Variants in ADGRB3 observed in about 807,000 individuals in gnomAD.
ADGRB3 encodes brain-specific angiogenesis inhibitor 3.
ADGRB3 carries 37 observed loss-of-function variants against 193.4 expected under a neutral mutation model. The ratio of observed to expected loss-of-function variants is 0.19; its 90% CI spans 0.15 to 0.25. The LOEUF (loss-of-function observed/expected upper bound fraction) is 0.25, where lower values mean the gene tolerates loss of function less well. Ranked by LOEUF, ADGRB3 falls within the 10% of genes least tolerant of loss-of-function variation. The pLI, the probability that ADGRB3 is intolerant of heterozygous loss-of-function variation, is 1.00. For synonymous variants in ADGRB3, 690 were observed against 644.2 expected (o/e 1.07, Z -1.08); for missense variants, 1,637 against 1,852.9 (o/e 0.88, Z 2.14).
chr6:68,783,834 T>C (rs1025978116), intron 3 of ADGRB3, among the ~76,000 whole-genome samples: 5 of 152,058 alleles, frequency 3.3e-5, no homozygotes, highest in Non-Finnish European at 7.4e-5. Flanking sequence ...TGCATGATCA[T>C]TGTTTAGGAA....
At chr6:68,712,506 A>T (rs183216391) in intron 3 of ADGRB3, among the ~76,000 whole-genome samples, 3 of 152,150 alleles carry the variant, frequency 2.0e-5, no homozygotes, top group Admixed American at 2.0e-4. Flanking sequence ...ATTTTTCAGA[A>T]ATCAGAAGGA....
chr6:69,378,613 C>T (rs1769879841), intron 30 of ADGRB3, among the ~76,000 whole-genome samples: 1 of 151,952 alleles, frequency 6.6e-6, no homozygotes, highest in Non-Finnish European at 1.5e-5. Flanking sequence ...TTTTTTAAAT[C>T]TTCAAAATTA....
At chr6:68,868,772 A>G (rs750249222) in intron 3 of ADGRB3, among the ~76,000 whole-genome samples, 2 of 152,266 alleles carry the variant, frequency 1.3e-5, no homozygotes, top group East Asian at 1.9e-4. Context: ...CATTTGTGCA[A>G]TATTTCTGTG....
chr6:69,366,945 C>T (rs1769583040), intron 29 of ADGRB3, among the ~76,000 whole-genome samples: 1 of 152,068 alleles, frequency 6.6e-6, no homozygotes, highest in South Asian at 2.1e-4. Context: ...GTGGAGAATA[C>T]ACCCTATGGC....
intron 26 of ADGRB3, among the ~76,000 whole-genome samples, chr6:69,346,444 T>C (rs1470293728): frequency 6.6e-6 from 1 of 152,172 alleles, no homozygotes; most frequent in Non-Finnish European, 1.5e-5. Context: ...AGAAAATTTT[T>C]GCAATCTATC....
intron 3 of ADGRB3, among the ~76,000 whole-genome samples, chr6:68,680,275 T>TA (rs1232660944): frequency 7.0e-6 from 1 of 142,078 alleles, no homozygotes; most frequent in Non-Finnish European, 1.5e-5. Flanking sequence ...AGAATGCAAC[T>TA]AGAAGGAAAA....
chr6:69,272,683 G>A (rs1767207068), intron 20 of ADGRB3, among the ~76,000 whole-genome samples: 1 of 152,140 alleles, frequency 6.6e-6, no homozygotes, highest in South Asian at 2.1e-4. Context: ...AGAATAAGGA[G>A]AGATTAGGGA....
chr6:69,146,821 CTT>C (rs756561473), intron 17 of ADGRB3, among the ~76,000 whole-genome samples: 214 of 103,222 alleles, frequency 2.1e-3, no homozygotes, highest in Middle Eastern at 7.0e-3. Flanking sequence ...CTCATTACTT[CTT>C]TTTTTTTTTT....
intron 13 of ADGRB3, among the ~76,000 whole-genome samples, chr6:69,030,878 G>A (rs1162279420): frequency 6.8e-6 from 1 of 147,158 alleles, no homozygotes; most frequent in Non-Finnish European, 1.5e-5. Context: ...TCTCTCTCAA[G>A]AATTCTAGAG....
chr6:69,082,580 G>A (rs920336008), intron 17 of ADGRB3, among the ~76,000 whole-genome samples: 7 of 151,828 alleles, frequency 4.6e-5, no homozygotes, highest in Admixed American at 2.6e-4. Flanking sequence ...TTTTAAATTT[G>A]GGTTATCGTC....
intron 17 of ADGRB3, among the ~76,000 whole-genome samples, chr6:69,087,905 G>T (rs571895363): frequency 6.6e-6 from 1 of 152,120 alleles, no homozygotes; most frequent in Non-Finnish European, 1.5e-5. Context: ...TGTATTTCCC[G>T]TGTTAATAGA....
chr6:69,140,772 A>G (rs1275686358), intron 17 of ADGRB3, among the ~76,000 whole-genome samples: 1 of 152,194 alleles, frequency 6.6e-6, no homozygotes, highest in Non-Finnish European at 1.5e-5. Flanking sequence ...CCATAAATAT[A>G]CAAATCTACT....
chr6:68,792,848 T>G (rs1439558204), intron 3 of ADGRB3, among the ~76,000 whole-genome samples: 1 of 152,156 alleles, frequency 6.6e-6, no homozygotes, highest in Admixed American at 6.6e-5. Flanking sequence ...ATGTCCAGGA[T>G]TACTCCATGG....
chr6:69,118,750 A>T (rs1582474304), intron 17 of ADGRB3, among the ~76,000 whole-genome samples: 1 of 21,914 alleles, frequency 4.6e-5, no homozygotes, highest in Non-Finnish European at 1.5e-4. Context: ...TGCTTTACAG[A>T]AAAAAAAAAT....
At chr6:69,301,200 G>A (rs1582616989) in intron 20 of ADGRB3, among the ~76,000 whole-genome samples, 1 of 151,690 alleles carries the variant, frequency 6.6e-6, no homozygotes, top group South Asian at 2.1e-4. Context: ...ATTAGTCTAT[G>A]TTATCACCTC....
At chr6:69,198,479 G>A (rs939048247) in intron 17 of ADGRB3, among the ~76,000 whole-genome samples, 2 of 152,020 alleles carry the variant, frequency 1.3e-5, no homozygotes, top group Non-Finnish European at 1.5e-5. Context: ...GTGATGTTTT[G>A]GATAAGGTGA....
chr6:68,828,940 A>G (rs1175004675), intron 3 of ADGRB3, among the ~76,000 whole-genome samples: 1 of 152,124 alleles, frequency 6.6e-6, no homozygotes, highest in East Asian at 1.9e-4. Context: ...CACAGAAGGA[A>G]ATTAGCTATT....
chr6:69,079,545 T>C (rs1055454901), intron 17 of ADGRB3, among the ~76,000 whole-genome samples: 4 of 152,058 alleles, frequency 2.6e-5, no homozygotes, highest in Non-Finnish European at 1.5e-5. Context: ...TCACCACTCC[T>C]ATTCAACGTA....
chr6:69,244,177 T>C (rs184282282), intron 20 of ADGRB3, among the ~76,000 whole-genome samples: 6 of 151,974 alleles, frequency 3.9e-5, no homozygotes, highest in Admixed American at 3.9e-4. Flanking sequence ...ATACAAAAAT[T>C]CTCTGTCTTA....
Sources: allele counts gnomAD v4.1 joint callset (sites outside exome capture counted in the v4.1 genomes callset), GRCh38; gene constraint gnomAD v4.1.1; transcripts MANE v1.5; gene names NCBI Gene and HGNC (gene_info 2026-07-23, HGNC 2026-07-21).